The following WDR70 variants were observed in gnomAD, a reference collection of about 807,000 sequenced individuals.
WDR70 encodes the protein WD repeat-containing protein 70.
WDR70 carries 53 observed loss-of-function variants against 88.6 expected under a neutral mutation model. The ratio of observed to expected loss-of-function variants is 0.60; its 90% confidence interval spans 0.48 to 0.75. The LOEUF (loss-of-function observed/expected upper bound fraction) is 0.75, where lower values mean the gene tolerates loss of function less well. WDR70 is among the 30% of genes least tolerant of loss of function. The pLI, the probability that WDR70 is intolerant of heterozygous loss-of-function variation, is 0.00. For synonymous variants in WDR70, 280 were observed against 270.0 expected (o/e 1.04, Z -0.36); for missense variants, 610 against 823.2 (o/e 0.74, Z 3.17).
At chr5:37,571,347 A>C (rs543179015) in intron 9 of WDR70, among the ~76,000 whole-genome samples, 78 of 152,306 alleles carry the variant, frequency 5.1e-4, no homozygotes, top group Middle Eastern at 3.4e-3. Flanking sequence ...ATTGGCCAAG[A>C]ATAGACTAGT....
intron 3 of WDR70, among the ~76,000 whole-genome samples, chr5:37,391,451 CTTT>C (rs1487139065): frequency 6.6e-6 from 1 of 152,152 alleles, no homozygotes; most frequent in Non-Finnish European, 1.5e-5. Context: ...CACCATTCTA[CTTT>C]TTGTCTCTGA....
chr5:37,546,271 A>C (rs949657430), intron 9 of WDR70, among the ~76,000 whole-genome samples: 3 of 152,236 alleles, frequency 2.0e-5, no homozygotes, highest in Non-Finnish European at 4.4e-5. Flanking sequence ...TTAATGTCAC[A>C]TTAACCTTGC....
chr5:37,550,282 C>T lies in WDR70; in HGVS notation c.917+33692C>T, dbSNP rs748202106. Among the ~76,000 whole-genome samples the T allele has an allele frequency of 2.6e-5, 4 of 152,152 alleles. No individual in the cohort carries two copies. The South Asian group carries it at 6.2e-4, about 24-fold the overall frequency. On this transcript the variant is annotated intron_variant, in intron 9 of 17. Coordinates refer to ENST00000265107, the MANE Select transcript of WDR70 (RefSeq NM_018034.4). Reference sequence around the variant, plus strand: ...CAATTTCCACGTATTTGTATAGTTTCCAAAATTATTCTTGTTATTAATTTC... The same window carrying T: ...CAATTTCCACGTATTTGTATAGTTTTCAAAATTATTCTTGTTATTAATTTC...
chr5:37,661,035 A>G (rs1745687600), intron 10 of WDR70, among the ~76,000 whole-genome samples: 1 of 152,266 alleles, frequency 6.6e-6, no homozygotes. Context: ...CATTTTATAT[A>G]TGGGACTTGT....
At chr5:37,391,973 T>C (rs766152837) in intron 3 of WDR70, 27 bp from the exon 4 acceptor site, 1 of 1,581,388 alleles carries the variant, frequency 6.3e-7, no homozygotes, top group South Asian at 1.2e-5. Context: ...TGGGATTTTT[T>C]TGTTAATCTT....
chr5:37,408,287 C>T (rs1367523111), intron 5 of WDR70, among the ~76,000 whole-genome samples: 4 of 152,026 alleles, frequency 2.6e-5, no homozygotes, highest in African/African-American at 9.7e-5. Flanking sequence ...GCCTGGCCAA[C>T]ATAGTGAAAC....
intron 10 of WDR70, among the ~76,000 whole-genome samples, chr5:37,627,689 GTTGTTTAGAAGCATT>G (rs1744705102): frequency 1.3e-5 from 2 of 152,022 alleles, no homozygotes; most frequent in South Asian, 4.1e-4. Context: ...TAACCTGTTG[GTTGTTTAGAAGCATT>G]TTGTTTAGTT....
chr5:37,746,015 A>G (rs1200575642), intron 17 of WDR70, among the ~76,000 whole-genome samples: 2 of 152,210 alleles, frequency 1.3e-5, no homozygotes, highest in Admixed American at 6.5e-5. Context: ...AATCGACCAC[A>G]TAATTGGAAG....
At chr5:37,719,358 C>G (rs1052235256) in intron 13 of WDR70, among the ~76,000 whole-genome samples, 6 of 146,026 alleles carry the variant, frequency 4.1e-5, no homozygotes, top group Non-Finnish European at 7.4e-5. Context: ...AACCCCCCCC[C>G]CAAAAAATAC....
intron 17 of WDR70, among the ~76,000 whole-genome samples, chr5:37,743,923 G>T (rs962215177): frequency 6.6e-6 from 1 of 152,194 alleles, no homozygotes; most frequent in Non-Finnish European, 1.5e-5. Flanking sequence ...GGGACAAAGT[G>T]CTTCGTTAAA....
intron 9 of WDR70, among the ~76,000 whole-genome samples, chr5:37,536,841 AT>A (rs989826106): frequency 1.3e-5 from 2 of 151,446 alleles, no homozygotes; most frequent in Non-Finnish European, 2.9e-5. Context: ...TGACAAGAAA[AT>A]TTTTTTTTCC....
At chr5:37,487,494 A>T (rs1310432170) in intron 8 of WDR70, among the ~76,000 whole-genome samples, 75 of 150,578 alleles carry the variant, frequency 5.0e-4, no homozygotes, top group Non-Finnish European at 1.5e-5. Context: ...ATAAAATATT[A>T]TATACTTCAT....
chr5:37,745,799 A>G (rs1561102779), intron 17 of WDR70, among the ~76,000 whole-genome samples: 2 of 152,184 alleles, frequency 1.3e-5, no homozygotes, highest in Non-Finnish European at 2.9e-5. Flanking sequence ...GGGACCTACA[A>G]AGAGACTTAG....
intron 9 of WDR70, among the ~76,000 whole-genome samples, chr5:37,549,314 A>G (rs1280873299): frequency 6.6e-6 from 1 of 152,080 alleles, no homozygotes; most frequent in Non-Finnish European, 1.5e-5. Context: ...AATTTCTTTC[A>G]TCAGTTTTTT....
chr5:37,584,315 C>T (rs945948189), intron 9 of WDR70, among the ~76,000 whole-genome samples: 8 of 152,164 alleles, frequency 5.3e-5, no homozygotes, highest in Non-Finnish European at 1.2e-4. Context: ...TGACATTTCA[C>T]GATTTCTTCG....
At chr5:37,588,542 T>C (rs1743430690) in intron 9 of WDR70, among the ~76,000 whole-genome samples, 1 of 151,862 alleles carries the variant, frequency 6.6e-6, no homozygotes, top group Non-Finnish European at 1.5e-5. Context: ...CTTTCTTTTT[T>C]CCCCCACTCT....
chr5:37,533,003 G>C (rs1741544774), intron 9 of WDR70, among the ~76,000 whole-genome samples: 1 of 152,186 alleles, frequency 6.6e-6, no homozygotes, highest in African/African-American at 2.4e-5. Context: ...GGCTCCCTGA[G>C]AGCCGAACTG....
chr5:37,727,730 C>G (rs1392638075), intron 17 of WDR70, among the ~76,000 whole-genome samples: 1 of 151,942 alleles, frequency 6.6e-6, no homozygotes, highest in African/African-American at 2.4e-5. Flanking sequence ...CATGCACTGC[C>G]ACACCCAACT....
At chr5:37,526,669 A>G (rs1343249651) in intron 9 of WDR70, among the ~76,000 whole-genome samples, 4 of 152,208 alleles carry the variant, frequency 2.6e-5, no homozygotes, top group African/African-American at 2.4e-5. Context: ...AGGGTATTCA[A>G]TTAGAAAAAG....
Sources: allele counts gnomAD v4.1 joint callset (sites outside exome capture counted in the v4.1 genomes callset), GRCh38; gene constraint gnomAD v4.1.1; transcripts MANE v1.5; gene names NCBI Gene and HGNC (gene_info 2026-07-23, HGNC 2026-07-21).